TENT2: variants seen among roughly 807,000 people sequenced by gnomAD.
TENT2 encodes the protein poly(A) RNA polymerase GLD2.
Under a neutral mutation model 72.2 loss-of-function variants are expected in TENT2, and 44 were observed. That is an observed-to-expected ratio of 0.61 (90% CI 0.48 to 0.78). TENT2 has a LOEUF of 0.78. Among genes scored for constraint, TENT2 ranks in the 30% least tolerant of loss-of-function variants. The pLI is 0.00. For synonymous variants in TENT2, 212 were observed against 192.5 expected, an observed-to-expected ratio of 1.10 and a Z score of -0.84; for missense variants, 541 against 569.6, an observed-to-expected ratio of 0.95 and a Z score of 0.51.
chr5:79,649,223 A>C lies in TENT2; in HGVS notation c.1027+33A>C, dbSNP rs761789339. 3.1e-6 allele frequency: 5 copies of C among 1,591,826 alleles called. No individual in the cohort carries two copies. In the African/African-American group the frequency reaches 6.7e-5, roughly 21 times the overall value. ...TAATGGGGTTTTACCCAATTTTTAA[A>C]AGTAAAAGACAGCTTTATTATGGTG... On this transcript the variant is annotated intron_variant, in intron 10 of 14. Coordinates refer to ENST00000453514, the MANE Select transcript of TENT2 (RefSeq NM_001114394.3).
At chr5:79,680,657 C>T (rs1452676098) in intron 13 of TENT2, among the ~76,000 whole-genome samples, 1 of 152,138 alleles carries the variant, frequency 6.6e-6, no homozygotes. Context: ...TCTTTCCCCT[C>T]GGTTACCTTT....
At chr5:79,628,698 T>A (rs139544910) in intron 4 of TENT2, among the ~76,000 whole-genome samples, 92 of 152,022 alleles carry the variant, frequency 6.1e-4, no homozygotes, top group Non-Finnish European at 2.6e-4. Flanking sequence ...AGTACTCGAG[T>A]TTTTTGAACT....
intron 12 of TENT2, among the ~76,000 whole-genome samples, chr5:79,673,522 A>T (rs572450163): frequency 1.6e-4 from 24 of 152,058 alleles, no homozygotes; most frequent in Non-Finnish European, 2.6e-4. Flanking sequence ...GATATCTAGT[A>T]TTCCCAGCAC....
At chr5:79,674,459 G>A (rs1345981635) in intron 12 of TENT2, among the ~76,000 whole-genome samples, 2 of 152,170 alleles carry the variant, frequency 1.3e-5, no homozygotes, top group Non-Finnish European at 2.9e-5. Flanking sequence ...AGATAGAACA[G>A]TCATATACAA....
intron 1 of TENT2, among the ~76,000 whole-genome samples, chr5:79,614,794 CTT>C (rs1196874174): frequency 1.3e-5 from 2 of 152,022 alleles, no homozygotes; most frequent in Non-Finnish European, 2.9e-5. Context: ...TCTACAGTCT[CTT>C]TAAAAAAATG....
At chr5:79,659,490 C>T (rs1337495212) in intron 11 of TENT2, among the ~76,000 whole-genome samples, 2 of 134,398 alleles carry the variant, frequency 1.5e-5, no homozygotes, top group African/African-American at 2.9e-5. Context: ...CCAGATTGCG[C>T]CACTGTACTC....
intron 3 of TENT2, 72 bp from the exon 4 acceptor site, chr5:79,623,180 A>G (rs1423860328): frequency 9.9e-7 from 1 of 1,012,700 alleles, no homozygotes; most frequent in Non-Finnish European, 1.4e-6. Context: ...ATATTTATAT[A>G]TATTTAATTG....
At chr5:79,623,669 T>C in intron 4 of TENT2, 180 bp downstream of exon 4, 1 of 422,232 alleles carries the variant, frequency 2.4e-6, no homozygotes, top group Non-Finnish European at 4.1e-6. Context: ...AGCTATTCTT[T>C]TATAGAAATG....
chr5:79,658,265 G>T (rs1222569211), intron 11 of TENT2, among the ~76,000 whole-genome samples: 3 of 151,908 alleles, frequency 2.0e-5, no homozygotes, highest in African/African-American at 7.3e-5. Flanking sequence ...CAGTCTTTAT[G>T]GTCTCTTAAA....
chr5:79,632,590 G>T (rs529217024), intron 4 of TENT2, among the ~76,000 whole-genome samples: 1 of 152,026 alleles, frequency 6.6e-6, no homozygotes, highest in Non-Finnish European at 1.5e-5. Context: ...ATGAGGTTAG[G>T]CTGAGGTTTT....
intron 12 of TENT2, among the ~76,000 whole-genome samples, chr5:79,671,189 C>T (rs900027014): frequency 6.6e-6 from 1 of 152,028 alleles, no homozygotes. Context: ...TCAGATGATA[C>T]TGATGCTTGG....
intron 1 of TENT2, among the ~76,000 whole-genome samples, chr5:79,615,708 T>G (rs1364035192): frequency 7.1e-6 from 1 of 140,540 alleles, no homozygotes; most frequent in African/African-American, 3.0e-5. Flanking sequence ...TTTTCTTTTT[T>G]CTTTTTTTTT....
intron 11 of TENT2, among the ~76,000 whole-genome samples, chr5:79,666,926 G>A (rs369725428): frequency 2.6e-5 from 4 of 152,164 alleles, no homozygotes; most frequent in African/African-American, 9.6e-5. Flanking sequence ...CTGCCTTTAG[G>A]TGTCCTCATT....
chr5:79,654,935 CTA>C (rs1302056916), intron 10 of TENT2, among the ~76,000 whole-genome samples: 1 of 152,064 alleles, frequency 6.6e-6, no homozygotes, highest in East Asian at 1.9e-4. Context: ...GTTATGGAAA[CTA>C]TGGGCAAAGT....
chr5:79,629,537 C>T (rs570202343), intron 4 of TENT2, among the ~76,000 whole-genome samples: 1 of 152,184 alleles, frequency 6.6e-6, no homozygotes, highest in Non-Finnish European at 1.5e-5. Flanking sequence ...TAAAAAATAA[C>T]CATACATAGG....
intron 14 of TENT2, among the ~76,000 whole-genome samples, chr5:79,684,859 G>A (rs1825364051): frequency 6.6e-6 from 1 of 151,752 alleles, no homozygotes; most frequent in Non-Finnish European, 1.5e-5. Flanking sequence ...TAAAAACTTA[G>A]CCAGCCTGGG....
At chr5:79,633,754 T>TCAAG (rs1455974591) in intron 4 of TENT2, among the ~76,000 whole-genome samples, 1 of 148,588 alleles carries the variant, frequency 6.7e-6, no homozygotes, top group African/African-American at 2.5e-5. Flanking sequence ...TTTCTTTTAC[T>TCAAG]CAAGGGCCCA....
rs980556953 is a variant in TENT2, at chr5:79,687,835, G to A, written c.*2562G>A. ...ATAAATCTCATAGACATTAATGTTT[G>A]TAAGAAATTTTTAATTAAATGATGG... On this transcript the variant is annotated 3_prime_UTR_variant, in exon 15 of 15. Coordinates refer to ENST00000453514, the MANE Select transcript of TENT2 (RefSeq NM_001114394.3). Among the ~76,000 whole-genome samples the A allele has an allele frequency of 6.6e-6, 1 of 152,178 alleles. No individual in the cohort carries two copies. The highest frequency in any genetic ancestry group is 1.5e-5 in the Non-Finnish European group (1 of 68,024).
chr5:79,685,012 T>C (rs963178121), intron 14 of TENT2, among the ~76,000 whole-genome samples, 187 bp from the exon 15 acceptor site: 1 of 152,138 alleles, frequency 6.6e-6, no homozygotes, highest in African/African-American at 2.4e-5. Context: ...GAGCCGAGAT[T>C]GCACCACTGC....
Sources: allele counts gnomAD v4.1 joint callset (sites outside exome capture counted in the v4.1 genomes callset), GRCh38; gene constraint gnomAD v4.1.1; transcripts MANE v1.5; gene names NCBI Gene and HGNC (gene_info 2026-07-23, HGNC 2026-07-21).